UNC79: variants seen among roughly 807,000 people sequenced by gnomAD.
The protein encoded by UNC79 is protein unc-79 homolog.
Under a neutral mutation model 283.1 loss-of-function variants are expected in UNC79, and 37 were observed. The ratio of observed to expected loss-of-function variants is 0.13; its 90% CI spans 0.10 to 0.17. The LOEUF (loss-of-function observed/expected upper bound fraction) is 0.17, where lower values mean the gene tolerates loss of function less well. Among genes scored for constraint, UNC79 ranks in the 10% least tolerant of loss-of-function variants. The pLI is 1.00. For missense variants in UNC79, 2,272 were observed against 3,211.1 expected (o/e 0.71, Z 7.07); for synonymous variants, 1,107 against 1,200.2 (o/e 0.92, Z 1.61).
chr14:93,461,827 G>A (rs533593778), intron 1 of UNC79, among the ~76,000 whole-genome samples: 18 of 152,110 alleles, frequency 1.2e-4, no homozygotes, highest in Non-Finnish European at 2.4e-4. Context: ...TTTGGACAAG[G>A]AAGTTTGCAA....
At chr14:93,609,585 A>G (rs1175386862) in intron 26 of UNC79, among the ~76,000 whole-genome samples, 1 of 152,176 alleles carries the variant, frequency 6.6e-6, no homozygotes, top group Non-Finnish European at 1.5e-5. Flanking sequence ...TTAAATCTCT[A>G]TGGTTAGGAC....
exon 4 of UNC79, chr14:93,477,689 A>G (rs760066122): frequency 4.3e-6 from 7 of 1,613,322 alleles, no homozygotes; most frequent in African/African-American, 1.3e-5. Flanking sequence ...CAAGGATATC[A>G]TTGAATATCT....
chr14:93,645,696 GATCCCTTTCTGTAGGTA>G (rs2140255482), intron 34 of UNC79, among the ~76,000 whole-genome samples: 1 of 152,128 alleles, frequency 6.6e-6, no homozygotes, highest in Non-Finnish European at 1.5e-5. Flanking sequence ...CCTCTTACAT[GATCCCTTTCTGTAGGTA>G]CAGCCTTTAA....
Position 93,467,654 on chromosome 14 carries a change from TTTTTG to T in UNC79, c.23-16_23-12del. 3.5e-6 allele frequency: 4 copies of T among 1,148,426 alleles called. No individual in the cohort carries two copies. The highest frequency in any genetic ancestry group is 4.3e-6 in the Non-Finnish European group (4 of 940,810). The allele number at this position is 1,148,426 out of a possible 1,614,324, so 71.1% of individuals were successfully genotyped here. A position where few individuals can be genotyped will look rare whatever the true frequency, so the allele number is the denominator to read the frequency against. ...TTTTTTTTTTTTTTTTTTTTTTTTT[TTTTTG>T]CTTTTATCTAGTTGCTTCCAAGATC... On this transcript the variant is annotated splice_polypyrimidine_tract_variant and intron_variant, in intron 1 of 48. Coordinates refer to ENST00000555664, the Ensembl canonical transcript of UNC79.
chr14:93,408,262 A>C (rs2055266580), intron 1 of UNC79, among the ~76,000 whole-genome samples: 1 of 152,254 alleles, frequency 6.6e-6, no homozygotes, highest in South Asian at 2.1e-4. Flanking sequence ...GAGAGATGGA[A>C]GCTCTAAAAG....
intron 1 of UNC79, among the ~76,000 whole-genome samples, chr14:93,412,541 G>T (rs554611277): frequency 1.3e-5 from 2 of 152,006 alleles, no homozygotes; most frequent in African/African-American, 4.8e-5. Flanking sequence ...AGCAGCAAGA[G>T]AAAATAAAGA....
rs2055421716 is a variant in UNC79 at position 93,414,987 on chromosome 14, C to G, written c.-350-52684C>G. 3.9e-5 allele frequency among the ~76,000 whole-genome samples: 6 copies of G among 152,202 alleles called. No homozygotes were observed. The South Asian group carries it at 1.2e-3, about 32-fold the overall frequency. ...GCAAACAGGGACAATTTGACTTCCT[C>G]TTTTCCTAACTGAATACCCTCTATT... On this transcript the variant is annotated intron_variant, in intron 1 of 49. Coordinates refer to the UNC79 transcript ENST00000256339.
intron 1 of UNC79, among the ~76,000 whole-genome samples, chr14:93,441,010 T>C (rs2056281567): frequency 1.3e-5 from 2 of 152,110 alleles, no homozygotes; most frequent in African/African-American, 4.8e-5. Context: ...CACTTGATCT[T>C]GGATTGTGAG....
chr14:93,449,183 C>T (rs143257749), intron 1 of UNC79, among the ~76,000 whole-genome samples: 376 of 152,262 alleles, frequency 2.5e-3, no homozygotes, highest in African/African-American at 8.6e-3. Flanking sequence ...TTGTTATCCT[C>T]ATTGATCTGT....
chr14:93,345,715 A>G (rs777044962), intron 1 of UNC79, among the ~76,000 whole-genome samples: 1 of 152,112 alleles, frequency 6.6e-6, no homozygotes, highest in South Asian at 2.1e-4. Context: ...CGTCAATAAG[A>G]ATTTTAGGTT....
chr14:93,391,533 A>G (rs2054883008), intron 1 of UNC79, among the ~76,000 whole-genome samples: 1 of 152,240 alleles, frequency 6.6e-6, no homozygotes, highest in African/African-American at 2.4e-5. Flanking sequence ...AAGGGCGTAC[A>G]AAGGTAGGCT....
chr14:93,426,094 T>C (rs1423998686), upstream of UNC79, among the ~76,000 whole-genome samples: 1 of 152,198 alleles, frequency 6.6e-6, no homozygotes, highest in Non-Finnish European at 1.5e-5. Context: ...GTGCCAAATA[T>C]GCCACTGCAT....
At chr14:93,635,728 G>T (rs1452833767) in intron 31 of UNC79, among the ~76,000 whole-genome samples, 1 of 152,156 alleles carries the variant, frequency 6.6e-6, no homozygotes, top group Non-Finnish European at 1.5e-5. Flanking sequence ...CTTTATAAGG[G>T]TTCTTTACAT....
chr14:93,471,097 A>C (rs1022559837), intron 2 of UNC79, among the ~76,000 whole-genome samples: 2 of 152,198 alleles, frequency 1.3e-5, no homozygotes, highest in Non-Finnish European at 2.9e-5. Context: ...ATATGTTATA[A>C]AAATGGATTG....
At chr14:93,577,910 C>G in exon 18 of UNC79, 1 of 1,614,186 alleles carries the variant, frequency 6.2e-7, no homozygotes, top group Non-Finnish European at 8.5e-7. Flanking sequence ...ATAGTCCTTT[C>G]CAGAGTCCGT....
chr14:93,472,403 A>G (rs1191678474), intron 2 of UNC79, among the ~76,000 whole-genome samples: 2 of 152,136 alleles, frequency 1.3e-5, no homozygotes, highest in African/African-American at 4.8e-5. Context: ...ATATTATCCC[A>G]TTGTAAAGTA....
exon 4 of UNC79, chr14:93,477,581 A>G (rs2057875675): frequency 1.9e-6 from 3 of 1,605,514 alleles, no homozygotes; most frequent in African/African-American, 2.7e-5. Context: ...GATATTTTAT[A>G]CAACTACATG....
intron 1 of UNC79, among the ~76,000 whole-genome samples, chr14:93,349,616 C>T (rs2053942517): frequency 6.6e-6 from 1 of 152,196 alleles, no homozygotes; most frequent in Non-Finnish European, 1.5e-5. Flanking sequence ...TATTGACCTT[C>T]TAGGTGCGTG....
intron 46 of UNC79, among the ~76,000 whole-genome samples, chr14:93,692,275 A>G (rs1481937424): frequency 6.6e-6 from 1 of 152,232 alleles, no homozygotes; most frequent in Admixed American, 6.5e-5. Flanking sequence ...GGCAATGTAC[A>G]TGTTAAATAG....
Sources: gnomAD v4.1 joint callset for allele counts (sites outside exome capture counted in the v4.1 genomes callset) on GRCh38, gnomAD v4.1.1 for gene constraint, MANE v1.5 for transcripts, NCBI Gene and HGNC (gene_info 2026-07-23, HGNC 2026-07-21) for gene names.